The following SLC10A7 variants were observed in gnomAD, a reference collection of about 807,000 sequenced individuals.
The protein encoded by SLC10A7 is solute carrier family 10 member 7, also known as sodium/bile acid cotransporter 7.
Under a neutral mutation model 43.2 loss-of-function variants are expected in SLC10A7, and 29 were observed. The observed-to-expected ratio is 0.67, with a 90% CI of 0.50 to 0.92. The LOEUF (loss-of-function observed/expected upper bound fraction) is 0.92. SLC10A7 is among the 40% of genes least tolerant of loss of function. The pLI, the probability that SLC10A7 is intolerant of heterozygous loss-of-function variation, is 0.00. For missense variants in SLC10A7, 295 were observed against 403.2 expected (o/e 0.73, Z 2.30); for synonymous variants, 152 against 144.8 (o/e 1.05, Z -0.35).
intron 4 of SLC10A7, among the ~76,000 whole-genome samples, chr4:146,479,640 A>G (rs1734299916): frequency 6.6e-6 from 1 of 152,152 alleles, no homozygotes; most frequent in South Asian, 2.1e-4. Flanking sequence ...CCAGTTGTTT[A>G]ATGAATGGGT....
In SLC10A7 at chr4:146,256,413, C is replaced by G; in HGVS notation, c.*78G>C. The G allele has an allele frequency of 7.2e-7, 1 of 1,389,678 alleles. No homozygotes were observed. Among genetic ancestry groups the G allele is most frequent in the Non-Finnish European group, 1.0e-6 (1 of 987,310 alleles). 86.1% of individuals were successfully genotyped at this position (1,389,678 alleles called of 1,614,324 possible). ...AAAATATGCATTGAGGCAACATTCACAAGTACAAGTCTTCAGAATTGCTAG... is the reference window on the plus strand; with the variant it reads ...AAAATATGCATTGAGGCAACATTCAGAAGTACAAGTCTTCAGAATTGCTAG... On this transcript the variant is annotated 3_prime_UTR_variant, in exon 12 of 12. Coordinates refer to ENST00000335472, the MANE Select transcript of SLC10A7 (RefSeq NM_001029998.6).
In SLC10A7 at chr4:146,521,798, C is replaced by G; in HGVS notation, c.-81G>C. ...TCCGATCACCTAATCCTTGGAGCGT[C>G]TCCACACTTTCCTTGGTCCCTCCAG... On this transcript the variant is annotated 5_prime_UTR_variant, in exon 1 of 12. Transcript: ENST00000335472. 8.7e-7 allele frequency: 1 copy of G among 1,149,764 alleles called. No individual in the cohort carries two copies. The highest frequency in any genetic ancestry group is 2.4e-5 in the East Asian group (1 of 42,460). The allele number at this position is 1,149,764 out of a possible 1,614,324, so 71.2% of individuals were successfully genotyped here.
At chr4:146,513,617 C>T (rs748966254) in intron 2 of SLC10A7, among the ~76,000 whole-genome samples, 4 of 152,106 alleles carry the variant, frequency 2.6e-5, no homozygotes, top group Non-Finnish European at 4.4e-5. Context: ...AGTAAAGAAC[C>T]CAGCAAAACA....
At chr4:146,342,253 G>A (rs921255982) in intron 5 of SLC10A7, among the ~76,000 whole-genome samples, 1 of 151,504 alleles carries the variant, frequency 6.6e-6, no homozygotes, top group Admixed American at 6.6e-5. Context: ...TAATGTAGAA[G>A]TATTTTATCT....
At chr4:146,272,295 A>C (rs1249213297) in intron 10 of SLC10A7, among the ~76,000 whole-genome samples, 1 of 152,076 alleles carries the variant, frequency 6.6e-6, no homozygotes, top group African/African-American at 2.4e-5. Flanking sequence ...TGACATTCCA[A>C]ATCAGCTGGC....
intron 5 of SLC10A7, among the ~76,000 whole-genome samples, chr4:146,383,398 T>C (rs1285335179): frequency 6.6e-6 from 1 of 152,176 alleles, no homozygotes; most frequent in Non-Finnish European, 1.5e-5. Context: ...TCTTCATTTG[T>C]ACAGGGTGTA....
At position 146,254,877 on chromosome 4, in the gene SLC10A7, G is replaced by C. The variant is rs1727813578; in HGVS notation, c.*1614C>G. The C allele has an allele frequency of 6.6e-6, 1 of 152,128 alleles. No homozygotes were observed. The highest frequency in any genetic ancestry group is 1.5e-5 in the Non-Finnish European group (1 of 68,030). 9.4% of individuals were successfully genotyped at this position (152,128 alleles called of 1,614,324 possible). On this transcript the variant is annotated 3_prime_UTR_variant, in exon 12 of 12. Coordinates refer to ENST00000335472, the MANE Select transcript of SLC10A7 (RefSeq NM_001029998.6). ...TTTATAACAGTGTGTACTACAGCCT[G>C]GTTAGCATAGATTTTTGCAGGATCT...
rs183979852 is a variant in SLC10A7, at chr4:146,510,040, T to C, written c.193A>G (p.Ser65Gly). Residue 65 changes from serine to glycine, a missense_variant, in exon 3 of 12, where the codon AGT becomes GGT. Ser to Gly is a moderately conservative substitution (Grantham distance 56). Transcript: ENST00000335472. The part of the protein sequence containing the change: ...GLSLKTEELT[S>G]ALVHLKLHLF... ...TGCAGTTTTAGATGCACCAAAGCAC[T>C]GGTCAGCTCCTGGAAAAATTAAGGA... 1.9e-6 allele frequency: 3 copies of C among 1,596,482 alleles called. No individual in the cohort carries two copies. The highest frequency in any genetic ancestry group is 2.6e-6 in the Non-Finnish European group (3 of 1,174,296).
chr4:146,439,030 T>TA (rs1193708993), intron 5 of SLC10A7, among the ~76,000 whole-genome samples: 1 of 152,054 alleles, frequency 6.6e-6, no homozygotes, highest in Non-Finnish European at 1.5e-5. Flanking sequence ...TCAAATCACT[T>TA]ACTATGCTCC....
intron 5 of SLC10A7, among the ~76,000 whole-genome samples, chr4:146,435,315 C>T (rs373331454): frequency 6.6e-6 from 1 of 151,790 alleles, no homozygotes; most frequent in Non-Finnish European, 1.5e-5. Flanking sequence ...CTGATAGAAC[C>T]AAGTTTATAC....
At chr4:146,386,750 T>G (rs931059105) in intron 5 of SLC10A7, among the ~76,000 whole-genome samples, 1 of 152,230 alleles carries the variant, frequency 6.6e-6, no homozygotes, top group Non-Finnish European at 1.5e-5. Flanking sequence ...TAAAACGTAC[T>G]CTTCTAAATA....
intron 4 of SLC10A7, among the ~76,000 whole-genome samples, chr4:146,443,628 C>G (rs1000403746): frequency 6.6e-6 from 1 of 152,176 alleles, no homozygotes; most frequent in African/African-American, 2.4e-5. Context: ...CTATTTACAT[C>G]TCCTGCATAC....
At chr4:146,354,311 A>G (rs1389534839) in intron 5 of SLC10A7, among the ~76,000 whole-genome samples, 1 of 152,150 alleles carries the variant, frequency 6.6e-6, no homozygotes, top group Non-Finnish European at 1.5e-5. Flanking sequence ...GAATAAAATA[A>G]CTAGGAATCC....
chr4:146,296,589 G>C (rs191632208), intron 7 of SLC10A7, among the ~76,000 whole-genome samples: 1 of 152,296 alleles, frequency 6.6e-6, no homozygotes, highest in Admixed American at 6.5e-5. Context: ...GAAATGGACA[G>C]ATGTACAAGT....
At chr4:146,472,687 G>A (rs1448866961) in intron 4 of SLC10A7, among the ~76,000 whole-genome samples, 1 of 152,120 alleles carries the variant, frequency 6.6e-6, no homozygotes, top group Non-Finnish European at 1.5e-5. Context: ...TCAACCTGTG[G>A]CAGCTAGAGC....
At chr4:146,408,440 C>G (rs566432640) in intron 5 of SLC10A7, 14 of 152,134 alleles carry the variant, frequency 9.2e-5, no homozygotes, top group African/African-American at 3.4e-4. Flanking sequence ...GTCCCGGCTA[C>G]TTGGGAGGGT....
At chr4:146,409,428 T>G (rs1727983927) in intron 5 of SLC10A7, among the ~76,000 whole-genome samples, 1 of 148,748 alleles carries the variant, frequency 6.7e-6, no homozygotes, top group Non-Finnish European at 1.5e-5. Flanking sequence ...ACTAAAGGGA[T>G]AAAAAAACAG....
Position 146,256,444 on chromosome 4 carries a change from A to G in SLC10A7, c.*47T>C. ...CAAGTCTTCAGAATTGCTAGTATGT[A>G]CAATCCTGTACATATATACATTGCT... On this transcript the variant is annotated 3_prime_UTR_variant, in exon 12 of 12. Coordinates refer to ENST00000335472, the MANE Select transcript of SLC10A7 (RefSeq NM_001029998.6). 6.3e-7 allele frequency: 1 copy of G among 1,597,330 alleles called. No individual in the cohort carries two copies. The highest frequency in any genetic ancestry group is 8.6e-7 in the Non-Finnish European group (1 of 1,165,482).
intron 4 of SLC10A7, among the ~76,000 whole-genome samples, chr4:146,477,017 C>T: frequency 6.6e-6 from 1 of 151,952 alleles, no homozygotes; most frequent in East Asian, 1.9e-4. Context: ...TGCTTCAATA[C>T]TTAAATCTAG....
Sources: allele counts gnomAD v4.1 joint callset (sites outside exome capture counted in the v4.1 genomes callset), GRCh38; gene constraint gnomAD v4.1.1; transcripts MANE v1.5; gene names NCBI Gene and HGNC (gene_info 2026-07-23, HGNC 2026-07-21).